ACCSL: variants seen among roughly 807,000 people sequenced by gnomAD.
ACCSL encodes the protein probable inactive 1-aminocyclopropane-1-carboxylate synthase-like protein 2.
A neutral mutation model predicts 61.7 loss-of-function variants in ACCSL; 55 were observed. The observed-to-expected ratio is 0.89, with a 90% CI of 0.72 to 1.12. The LOEUF is 1.12. Among genes scored for constraint, ACCSL ranks in the 50% most tolerant of loss-of-function variants. The pLI is 0.00. For synonymous variants in ACCSL, 258 were observed against 264.3 expected (o/e 0.98, Z 0.23); for missense variants, 632 against 698.0 (o/e 0.91, Z 1.07).
At chr11:43,923,033 A>G in the ACCSL span, among the ~76,000 whole-genome samples, 2 of 152,172 alleles carry the variant, frequency 1.3e-5, no homozygotes, top group Non-Finnish European at 2.9e-5. Context: ...AGTCACAGCT[A>G]ATAAACCTGC....
At chr11:44,045,441 A>G (rs185060047), upstream of ACCSL, among the ~76,000 whole-genome samples, 45 of 152,290 alleles carry the variant, frequency 3.0e-4, no homozygotes, top group African/African-American at 1.0e-3. Context: ...TTCTGTCTCA[A>G]AAACAAACAA....
At chr11:44,052,940 A>T in intron 6 of ACCSL, 51 bp from the exon 7 acceptor site, 1 of 1,573,784 alleles carries the variant, frequency 6.4e-7, no homozygotes, top group Non-Finnish European at 8.7e-7. Context: ...GGAATGAGGA[A>T]TCAAGACTTA....
chr11:44,052,147 C>T (rs1314978392), intron 5 of ACCSL, among the ~76,000 whole-genome samples: 1 of 152,210 alleles, frequency 6.6e-6, no homozygotes, highest in African/African-American at 2.4e-5. Context: ...AAGCAAGAGG[C>T]TCCAATGTTA....
At chr11:43,997,970 A>G in the ACCSL span, among the ~76,000 whole-genome samples, 1 of 152,250 alleles carries the variant, frequency 6.6e-6, no homozygotes, top group African/African-American at 2.4e-5. Context: ...TGTCTCACAC[A>G]TCAAATCACC....
chr11:44,001,775 C>CTGTGTGTGTGTGTGTGTGTGTG, the ACCSL span, among the ~76,000 whole-genome samples: 3 of 96,768 alleles, frequency 3.1e-5, no homozygotes, highest in African/African-American at 1.3e-4. Context: ...GGTAAAGGGG[C>CTGTGTGTGTGTGTGTGTGTGTG]TGTGTGTGTG....
chr11:44,024,425 T>TTCTCTC, the ACCSL span, among the ~76,000 whole-genome samples: 2 of 138,370 alleles, frequency 1.4e-5, no homozygotes, highest in Non-Finnish European at 3.1e-5. Context: ...CTCTCTCTCT[T>TTCTCTC]TCTCTCTCTC....
chr11:43,948,344 A>G, the ACCSL span, among the ~76,000 whole-genome samples: 1 of 152,214 alleles, frequency 6.6e-6, no homozygotes, highest in Admixed American at 6.5e-5. Flanking sequence ...CCTCCGATCA[A>G]CACTCTACTT....
the ACCSL span, among the ~76,000 whole-genome samples, chr11:43,928,737 C>A: frequency 6.6e-6 from 1 of 152,208 alleles, no homozygotes; most frequent in South Asian, 2.1e-4. Context: ...ATTCCCTATG[C>A]CCCCAGCTCA....
intron 4 of ACCSL, 105 bp from the exon 5 acceptor site, chr11:44,051,548 G>A: frequency 4.5e-6 from 7 of 1,541,818 alleles, no homozygotes; most frequent in Non-Finnish European, 6.3e-6. Context: ...TCCCAACTGA[G>A]GAGGCTCCCT....
intron 11 of ACCSL, among the ~76,000 whole-genome samples, chr11:44,056,763 C>CA (rs779302661): frequency 1.1e-4 from 16 of 152,144 alleles, no homozygotes; most frequent in Non-Finnish European, 1.5e-4. Flanking sequence ...ACCCAGGAGG[C>CA]AGAGATTGCA....
At chr11:44,022,755 G>A in the ACCSL span, among the ~76,000 whole-genome samples, 1 of 152,058 alleles carries the variant, frequency 6.6e-6, no homozygotes, top group African/African-American at 2.4e-5. Flanking sequence ...ATTTTGTTGA[G>A]GATTTTTGTG....
At chr11:43,924,925 C>T in the ACCSL span, 1 of 158,166 alleles carries the variant, frequency 6.3e-6, no homozygotes. Flanking sequence ...GAGGGGAGCC[C>T]CACAGAAGTG....
chr11:44,022,183 T>C, the ACCSL span, among the ~76,000 whole-genome samples: 1 of 152,142 alleles, frequency 6.6e-6, no homozygotes, highest in African/African-American at 2.4e-5. Flanking sequence ...GGGAATTGCA[T>C]TGAATTTGTA....
Position 44,052,684 on chromosome 11 carries a change from C to T in ACCSL, c.795C>T (p.Pro265=), listed in dbSNP as rs1952646772. 1 of 1,614,170 alleles carries T rather than the reference C, an allele frequency of 6.2e-7. No individual in the cohort carries two copies. Among genetic ancestry groups the T allele is most frequent in the Non-Finnish European group, 8.5e-7 (1 of 1,180,022 alleles). ...CAGAGGCCTTCCTGGTCCCTGCTCC[C>T]TTCTATGGTGGCTTTGCCTTTAGCT... ...DPGEAFLVPA[P]FYGGFAFSSR... The change falls in exon 6 of 14, where the codon CCC becomes CCT. Residue 265 remains proline (P), a synonymous_variant. Coordinates refer to ENST00000378832, the MANE Select transcript of ACCSL (RefSeq NM_001031854.2).
chr11:43,986,731 C>T, the ACCSL span, among the ~76,000 whole-genome samples: 4 of 152,202 alleles, frequency 2.6e-5, no homozygotes, highest in Middle Eastern at 3.2e-3. Context: ...GGCATCTCAA[C>T]GTTTGCCTGC....
chr11:44,007,299 GC>G, the ACCSL span, among the ~76,000 whole-genome samples: 2 of 152,122 alleles, frequency 1.3e-5, no homozygotes, highest in African/African-American at 4.8e-5. Flanking sequence ...AGACAGAAGT[GC>G]CCCCCAGCTT....
the ACCSL span, among the ~76,000 whole-genome samples, chr11:43,923,655 C>G: frequency 1.3e-5 from 2 of 152,206 alleles, 1 homozygote; most frequent in Middle Eastern, 6.3e-3. Flanking sequence ...CTAATGGTGC[C>G]TTTTCCAGCT....
At chr11:44,045,419 G>A (rs12417737), upstream of ACCSL, among the ~76,000 whole-genome samples, 41,233 of 151,938 alleles carry the variant, frequency 0.27, 6,157 homozygotes, top group Admixed American at 0.35. Flanking sequence ...CAGCCTGGGC[G>A]AGAGAGTGAG....
the ACCSL span, among the ~76,000 whole-genome samples, chr11:44,009,262 T>C: frequency 6.6e-6 from 1 of 152,164 alleles, no homozygotes. Flanking sequence ...GTATCAGGGT[T>C]CCCAGGCCTT....
Sources: gnomAD v4.1 joint callset for allele counts (sites outside exome capture counted in the v4.1 genomes callset) on GRCh38, gnomAD v4.1.1 for gene constraint, MANE v1.5 for transcripts, NCBI Gene and HGNC (gene_info 2026-07-23, HGNC 2026-07-21) for gene names.